RHBDL2: variants seen among roughly 807,000 people sequenced by gnomAD.
RHBDL2 encodes the protein rhomboid like 2, also known as rhomboid-related protein 2.
In RHBDL2, 26 loss-of-function variants were observed where a neutral mutation model predicts 31.7. The observed-to-expected ratio is 0.82, with a 90% CI of 0.60 to 1.14. The LOEUF (loss-of-function observed/expected upper bound fraction) is 1.14. RHBDL2 is among the 50% of genes most tolerant of loss of function. The probability of loss-of-function intolerance (pLI) is 0.00; values close to 1 mark genes in which losing one functional copy is unlikely to be tolerated. For synonymous variants in RHBDL2, 123 were observed against 127.2 expected (o/e 0.97, Z 0.22); for missense variants, 336 against 364.4 (o/e 0.92, Z 0.63).
At chr1:38,890,579 T>C (rs907554023) in intron 6 of RHBDL2, among the ~76,000 whole-genome samples, 2 of 152,212 alleles carry the variant, frequency 1.3e-5, no homozygotes, top group African/African-American at 4.8e-5. Context: ...ACTTTTCTTC[T>C]GGGTTGCTGC....
chr1:38,934,066 T>A (rs1444848054), intron 1 of RHBDL2, among the ~76,000 whole-genome samples: 1 of 152,162 alleles, frequency 6.6e-6, no homozygotes, highest in Non-Finnish European at 1.5e-5. Context: ...TTTTGAAGAA[T>A]GTCAGGTGTG....
chr1:38,898,943 G>A lies in RHBDL2; in HGVS notation c.509-2874C>T, dbSNP rs565182888. ...CATAAGTCTGGGCATTTTATGACAG[G>A]TGAGTTACATCTCAATCTTAAAATA... On this transcript the variant is annotated intron_variant, in intron 4 of 7. Transcript: ENST00000372990. Among the ~76,000 whole-genome samples the A allele has an allele frequency of 1.1e-4, 16 of 152,242 alleles. No individual in the cohort carries two copies. The South Asian group carries it at 3.3e-3, about 32-fold the overall frequency.
At chr1:38,900,701 G>A (rs1393935140) in intron 4 of RHBDL2, among the ~76,000 whole-genome samples, 1 of 152,006 alleles carries the variant, frequency 6.6e-6, no homozygotes, top group Admixed American at 6.6e-5. Context: ...ACTCCAGCCT[G>A]GATGACAGAG....
At chr1:38,891,932 C>A (rs969315434) in intron 6 of RHBDL2, among the ~76,000 whole-genome samples, 5 of 152,186 alleles carry the variant, frequency 3.3e-5, no homozygotes, top group Non-Finnish European at 5.9e-5. Flanking sequence ...GTGGAGAGAA[C>A]TTCAACTGGA....
chr1:38,919,738 T>G (rs1310636270), intron 1 of RHBDL2, among the ~76,000 whole-genome samples: 1 of 151,962 alleles, frequency 6.6e-6, no homozygotes, highest in African/African-American at 2.4e-5. Context: ...CCTCCCTGGC[T>G]AATTTTTGTA....
At chr1:38,924,921 A>G (rs1186468339) in intron 1 of RHBDL2, among the ~76,000 whole-genome samples, 1 of 151,342 alleles carries the variant, frequency 6.6e-6, no homozygotes, top group African/African-American at 2.4e-5. Context: ...AGCTGAAGTT[A>G]CAGGCATGCA....
chr1:38,935,330 A>G (rs954045235), intron 1 of RHBDL2, among the ~76,000 whole-genome samples: 1 of 152,272 alleles, frequency 6.6e-6, no homozygotes, highest in African/African-American at 2.4e-5. Context: ...ATTTTATAAC[A>G]CATAAATAAA....
rs1392989920 is a variant in RHBDL2 at position 38,911,507 on chromosome 1, C to T, written c.396-73G>A. 4 of 979,780 alleles carry T rather than the reference C, an allele frequency of 4.1e-6. No homozygotes were observed. In the African/African-American group the frequency reaches 4.8e-5, roughly 12 times the overall value. 60.7% of individuals were successfully genotyped at this position (979,780 alleles called of 1,614,324 possible). On this transcript the variant is annotated intron_variant, in intron 3 of 7. Transcript: ENST00000372990. ...GTTATTTCCCTGGGAGATGAACAGACTTTCATGTGTTTTCTCTAGTTAAGG... is the reference window on the plus strand; with the variant it reads ...GTTATTTCCCTGGGAGATGAACAGATTTTCATGTGTTTTCTCTAGTTAAGG...
chr1:38,893,946 C>T lies in RHBDL2; in HGVS notation c.610-722G>A, dbSNP rs74387626. Among the ~76,000 whole-genome samples, 91 of 152,188 alleles carry T rather than the reference C, an allele frequency of 6.0e-4. 1 individual carries two copies. Among genetic ancestry groups the T allele is most frequent in the African/African-American group, 2.0e-3 (84 of 41,520 alleles). ...CTTTGGGTCCCTTATGCGTCAGTGG[C>T]GAACTGCTGAGCGAGACATTTCTAA... On this transcript the variant is annotated intron_variant, in intron 5 of 7. Coordinates refer to ENST00000372990, the MANE Select transcript of RHBDL2 (RefSeq NM_017821.5).
rs754638476 is a variant in RHBDL2, at chr1:38,915,728, C to T, written c.247-18G>A. Reference sequence around the variant, plus strand: ...ACTGCCAGCTGATGGAGGGAGCAGACATGAGTATTAACCACACCTTCTCCA... The same window carrying T: ...ACTGCCAGCTGATGGAGGGAGCAGATATGAGTATTAACCACACCTTCTCCA... On this transcript the variant is annotated intron_variant, in intron 2 of 7. Transcript: ENST00000372990. 6.2e-7 allele frequency: 1 copy of T among 1,613,904 alleles called. No individual in the cohort carries two copies. The highest frequency in any genetic ancestry group is 1.7e-5 in the Admixed American group (1 of 60,004).
At chr1:38,895,521 A>G (rs1642907140) in intron 5 of RHBDL2, among the ~76,000 whole-genome samples, 1 of 152,142 alleles carries the variant, frequency 6.6e-6, no homozygotes, top group Admixed American at 6.6e-5. Context: ...ATATGAAAGG[A>G]AGCTAGGTGC....
At chr1:38,915,447 C>T in intron 3 of RHBDL2, 115 bp downstream of exon 3, 1 of 1,024,632 alleles carries the variant, frequency 9.8e-7, no homozygotes, top group Non-Finnish European at 1.5e-6. Flanking sequence ...CTTAGGGTTG[C>T]TGTGAAGATT....
Position 38,921,380 on chromosome 1 carries a change from C to T in RHBDL2, c.-125-2043G>A, listed in dbSNP as rs149937548. Among the ~76,000 whole-genome samples the T allele has an allele frequency of 1.2e-3, 184 of 152,028 alleles. 1 individual carries two copies. The highest frequency in any genetic ancestry group is 4.2e-3 in the African/African-American group (173 of 41,452). ...TGGGTGATGGAGCAAGACTGTGTCTCGAAGAAAAAGAAAAGAACTGTATCT... is the reference window on the plus strand; with the variant it reads ...TGGGTGATGGAGCAAGACTGTGTCTTGAAGAAAAAGAAAAGAACTGTATCT... On this transcript the variant is annotated intron_variant, in intron 1 of 7. Coordinates refer to ENST00000372990, the MANE Select transcript of RHBDL2 (RefSeq NM_017821.5).
chr1:38,927,294 G>C (rs1643388822), intron 1 of RHBDL2, among the ~76,000 whole-genome samples: 1 of 152,148 alleles, frequency 6.6e-6, no homozygotes, highest in African/African-American at 2.4e-5. Context: ...GGGCGTGGTG[G>C]CGGGCGCCTG....
At chr1:38,928,565 C>G (rs1481498384) in intron 1 of RHBDL2, among the ~76,000 whole-genome samples, 1 of 152,014 alleles carries the variant, frequency 6.6e-6, no homozygotes, top group Non-Finnish European at 1.5e-5. Context: ...TCCTGCCTCA[C>G]CCTCCCGAGT....
intron 3 of RHBDL2, among the ~76,000 whole-genome samples, chr1:38,912,910 A>ATGTGTGTGTGTGTGTGTGTG (rs869081947): frequency 2.4e-5 from 1 of 41,390 alleles, no homozygotes; most frequent in African/African-American, 9.2e-5. Context: ...ATATATATAT[A>ATGTGTGTGTGTGTGTGTGTG]TGTGTGTGTG....
At chr1:38,919,794 G>A (rs577724311) in intron 1 of RHBDL2, among the ~76,000 whole-genome samples, 5 of 151,836 alleles carry the variant, frequency 3.3e-5, no homozygotes, top group East Asian at 1.9e-4. Flanking sequence ...GGCTGGTCTC[G>A]AACTCCTGAC....
intron 1 of RHBDL2, among the ~76,000 whole-genome samples, chr1:38,929,025 G>A (rs1351369344): frequency 6.6e-6 from 1 of 152,074 alleles, no homozygotes; most frequent in Non-Finnish European, 1.5e-5. Flanking sequence ...GAGCTACAAT[G>A]GTGCCACTTG....
At chr1:38,912,941 T>G (rs1643174717) in intron 3 of RHBDL2, among the ~76,000 whole-genome samples, 1 of 125,450 alleles carries the variant, frequency 8.0e-6, no homozygotes, top group Admixed American at 8.7e-5. Context: ...TGTGTGTGTG[T>G]GTGTGTGTAT....
Sources: allele counts gnomAD v4.1 joint callset (sites outside exome capture counted in the v4.1 genomes callset), GRCh38; gene constraint gnomAD v4.1.1; transcripts MANE v1.5; gene names NCBI Gene and HGNC (gene_info 2026-07-23, HGNC 2026-07-21).